Variants in S100G observed in about 807,000 individuals in gnomAD.
S100G encodes protein S100-G.
In S100G, 4 loss-of-function variants were observed where a neutral mutation model predicts 4.4. The observed-to-expected ratio is 0.91, with a 90% confidence interval of 0.45 to 2.09. S100G has a LOEUF of 2.09. Among genes scored for constraint, S100G ranks in the 30% most tolerant of loss-of-function variants. The pLI is 0.03. For synonymous variants in S100G, 24 were observed against 20.1 expected (o/e 1.20, Z -0.53); for missense variants, 48 against 49.8 (o/e 0.96, Z 0.11).
intron 2 of S100G, among the ~76,000 whole-genome samples, chrX:16,651,582 G>T (rs769502735): frequency 6.2e-5 from 7 of 112,249 alleles, no homozygotes; most frequent in African/African-American, 2.3e-4. Flanking sequence ...TTAGCAGTCT[G>T]TTAGGAAAAC....
At chrX:16,653,416 T>G (rs1441346355) in intron 2 of S100G, among the ~76,000 whole-genome samples, 1 of 112,210 alleles carries the variant, frequency 8.9e-6, no homozygotes, top group African/African-American at 3.2e-5. Context: ...TTCTCCAGCT[T>G]GAACAACACA....
intron 2 of S100G, 92 bp downstream of exon 2, chrX:16,651,233 C>A: frequency 1.1e-6 from 1 of 886,374 alleles, no homozygotes; most frequent in South Asian, 2.4e-5. Context: ...CTTATAGGGA[C>A]CGTCGCTTGA....
intron 2 of S100G, among the ~76,000 whole-genome samples, chrX:16,651,731 T>A (rs1260509608): frequency 1.8e-5 from 2 of 112,352 alleles, no homozygotes; most frequent in African/African-American, 3.2e-5. Flanking sequence ...TCCTGGGCCA[T>A]AAAGTTTCAC....
chrX:16,651,146 G>C lies in S100G; in HGVS notation c.135+5G>C, dbSNP rs774633766. On this transcript the variant is annotated splice_donor_5th_base_variant and intron_variant, in intron 2 of 2. Coordinates refer to ENST00000380200, the MANE Select transcript of S100G (RefSeq NM_004057.3). ...GAATTCCCCAGTTTACTCAAAGTAA[G>C]TGGCCATCCGCAGAGCCCACTTAAT... 2.3e-5 allele frequency: 28 copies of C among 1,195,842 alleles called. No homozygotes were observed. In the East Asian group the frequency reaches 8.1e-4, roughly 34 times the overall value.
chrX:16,652,032 G>A (rs1031079517), intron 2 of S100G, among the ~76,000 whole-genome samples: 1 of 110,300 alleles, frequency 9.1e-6, no homozygotes, highest in Non-Finnish European at 1.9e-5. Context: ...GGGGGCCAGT[G>A]GATGGAAAAT....
intron 1 of S100G, 53 bp downstream of exon 1, chrX:16,650,256 T>C (rs922482376): frequency 2.7e-5 from 3 of 111,626 alleles, no homozygotes; most frequent in Non-Finnish European, 5.6e-5. Context: ...ATTAATACTC[T>C]GCTTCCTTTT....
At chrX:16,651,275 C>T (rs1932616680) in intron 2 of S100G, 134 bp downstream of exon 2, 1 of 578,671 alleles carries the variant, frequency 1.7e-6, no homozygotes, top group South Asian at 3.4e-5. Flanking sequence ...GTTTCTTCCC[C>T]TTAAGTCAGG....
intron 2 of S100G, among the ~76,000 whole-genome samples, chrX:16,653,915 C>T (rs1286576316): frequency 9.0e-6 from 1 of 111,149 alleles, no homozygotes; most frequent in African/African-American, 3.3e-5. Flanking sequence ...GTAGATCTCC[C>T]TCATAGGGTG....
In S100G at chrX:16,654,413, C is replaced by T. The variant is rs1932770872; in HGVS notation, c.144C>T (p.Asn48=). 2 of 1,179,119 alleles carry T rather than the reference C, an allele frequency of 1.7e-6. No homozygotes were observed. Among genetic ancestry groups the T allele is most frequent in the African/African-American group, 3.5e-5 (2 of 56,658 alleles). ...TTTTTTATGTAAAACAGGGTCCAAACACCCTAGATGATCTCTTTCAAGAAC... is the reference window on the plus strand; with the variant it reads ...TTTTTTATGTAAAACAGGGTCCAAATACCCTAGATGATCTCTTTCAAGAAC... The part of the protein sequence containing the change: ...AEFPSLLKGP[N]TLDDLFQELD... The change falls in exon 3 of 3, where the codon AAC becomes AAT. Residue 48 remains asparagine, a synonymous_variant. Coordinates refer to ENST00000380200, the MANE Select transcript of S100G (RefSeq NM_004057.3).
chrX:16,652,826 A>T (rs750382816), intron 2 of S100G, among the ~76,000 whole-genome samples: 1 of 112,053 alleles, frequency 8.9e-6, no homozygotes, highest in Non-Finnish European at 1.9e-5. Context: ...TACTCTGTTT[A>T]CATATATCAT....
intron 2 of S100G, among the ~76,000 whole-genome samples, chrX:16,653,502 C>G (rs1932750383): frequency 8.9e-6 from 1 of 111,812 alleles, no homozygotes; most frequent in Non-Finnish European, 1.9e-5. Context: ...CCCAGCTACT[C>G]GGGAGGCTGA....
intron 1 of S100G, among the ~76,000 whole-genome samples, chrX:16,650,557 C>A (rs1299392969): frequency 3.0e-5 from 3 of 98,494 alleles, no homozygotes; most frequent in Non-Finnish European, 4.1e-5. Context: ...CGCTCTGTCA[C>A]CCAGGCTGGA....
At chrX:16,650,484 A>T (rs1338418414) in intron 1 of S100G, among the ~76,000 whole-genome samples, 1 of 108,959 alleles carries the variant, frequency 9.2e-6, no homozygotes, top group East Asian at 2.9e-4. Flanking sequence ...CTCTAAGAAC[A>T]GACATTTAAC....
At chrX:16,653,205 C>T (rs1410821905) in intron 2 of S100G, among the ~76,000 whole-genome samples, 1 of 110,853 alleles carries the variant, frequency 9.0e-6, no homozygotes, top group Non-Finnish European at 1.9e-5. Context: ...TAGACTCCTA[C>T]CTGAAAGTCC....
At chrX:16,651,745 A>G (rs919031258) in intron 2 of S100G, among the ~76,000 whole-genome samples, 2 of 112,396 alleles carry the variant, frequency 1.8e-5, no homozygotes, top group African/African-American at 6.5e-5. Context: ...GTTTCACATC[A>G]AAATCACCCC....
chrX:16,653,793 T>A (rs1932757695), intron 2 of S100G, among the ~76,000 whole-genome samples: 1 of 112,207 alleles, frequency 8.9e-6, no homozygotes, highest in Non-Finnish European at 1.9e-5. Flanking sequence ...CGGTGGTTAG[T>A]TAAGGGGTTG....
intron 2 of S100G, among the ~76,000 whole-genome samples, chrX:16,652,379 G>T (rs1932686679): frequency 9.0e-6 from 1 of 111,591 alleles, no homozygotes; most frequent in Non-Finnish European, 1.9e-5. Flanking sequence ...ATGACAATTG[G>T]AAAGACTTCT....
chrX:16,654,541 G>GCGCTCTTCCTCCAGTGCTC lies in S100G; in HGVS notation c.*32_*33insCGCTCTTCCTCCAGTGCTC. 1 of 891,062 alleles carries GCGCTCTTCCTCCAGTGCTC rather than the reference G, an allele frequency of 1.1e-6. No homozygotes were observed. 73.4% of individuals were successfully genotyped at this position (891,062 alleles called of 1,213,427 possible). A position where few individuals can be genotyped will look rare whatever the true frequency, so the allele number is the denominator to read the frequency against. On this transcript the variant is annotated 3_prime_UTR_variant, in exon 3 of 3. Coordinates refer to ENST00000380200, the MANE Select transcript of S100G (RefSeq NM_004057.3). ...AAACAAAATAGAACCCTGAGCACTG[G>GCGCTCTTCCTCCAGTGCTC]AGGAAGAGCGCCTGTGCTGTGGTCT...
At position 16,651,036 on chromosome X, in the gene S100G, G is replaced by A; in HGVS notation, c.30G>A (p.Leu10=). MSTKKSPEE[L]KRIFEKYAAK... is the part of the protein sequence containing the mutation. ...GTACTAAAAAGTCTCCTGAGGAACT[G>A]AAGAGGATTTTTGAAAAATATGCAG... is the stretch of plus-strand genomic sequence containing the variant. The change falls in exon 2 of 3, where the codon CTG becomes CTA. Residue 10 remains leucine, a synonymous_variant. Transcript: ENST00000380200. 1 of 1,206,511 alleles carries A rather than the reference G, an allele frequency of 8.3e-7. No homozygotes were observed. Among genetic ancestry groups the A allele is most frequent in the Non-Finnish European group, 1.1e-6 (1 of 891,084 alleles).
Sources: gnomAD v4.1 joint callset for allele counts (sites outside exome capture counted in the v4.1 genomes callset) on GRCh38, gnomAD v4.1.1 for gene constraint, MANE v1.5 for transcripts, NCBI Gene and HGNC (gene_info 2026-07-23, HGNC 2026-07-21) for gene names.